The following LRRCC1 variants were observed in gnomAD, a reference collection of about 807,000 sequenced individuals.
The protein encoded by LRRCC1 is leucine rich repeat and coiled-coil centrosomal protein 1, also known as leucine-rich repeat and coiled-coil domain-containing protein 1.
In LRRCC1, 115 loss-of-function variants were observed where a neutral mutation model predicts 126.0. That is an observed-to-expected ratio of 0.91 (90% confidence interval 0.78 to 1.07). The LOEUF (loss-of-function observed/expected upper bound fraction) is 1.07. Ranked by LOEUF, LRRCC1 falls within the 50% of genes least tolerant of loss-of-function variation. The pLI is 0.00. For synonymous variants in LRRCC1, 400 were observed against 393.4 expected, an observed-to-expected ratio of 1.02 and a Z score of -0.20; for missense variants, 1,172 against 1,175.7, an observed-to-expected ratio of 1.00 and a Z score of 0.05.
chr8:85,127,616 A>G (rs936015161), intron 9 of LRRCC1, among the ~76,000 whole-genome samples: 23 of 152,266 alleles, frequency 1.5e-4, no homozygotes, highest in Admixed American at 1.1e-3. Flanking sequence ...GTTGATGTAC[A>G]CAGTTCACAG....
rs1808559319 is a variant in LRRCC1 at position 85,109,824 on chromosome 8, CACTT to C, written c.310+26_310+29del. On this transcript the variant is annotated intron_variant, in intron 2 of 18. Coordinates refer to ENST00000360375, the MANE Select transcript of LRRCC1 (RefSeq NM_033402.5). Reference sequence around the variant, plus strand: ...AGGTTTGTAAGTGATTTTCATTTAACACTTAGCGTAAGGAAAATGATTTAGGTCC... The same window carrying C: ...AGGTTTGTAAGTGATTTTCATTTAACAGCGTAAGGAAAATGATTTAGGTCC... The C allele has an allele frequency of 5.5e-6, 7 of 1,272,274 alleles. No homozygotes were observed. The South Asian group carries it at 9.8e-5, about 18-fold the overall frequency. The allele number at this position is 1,272,274 out of a possible 1,614,324, so 78.8% of individuals were successfully genotyped here. A position where few individuals can be genotyped will look rare whatever the true frequency, so the allele number is the denominator to read the frequency against.
At chr8:85,116,843 T>C (rs918821046) in intron 6 of LRRCC1, among the ~76,000 whole-genome samples, 2 of 152,110 alleles carry the variant, frequency 1.3e-5, no homozygotes, top group African/African-American at 4.8e-5. Context: ...CTTAGGTGAG[T>C]GAAAGTCAAT....
intron 18 of LRRCC1, among the ~76,000 whole-genome samples, chr8:85,144,474 A>ATTTTT (rs56095819): frequency 2.1e-5 from 1 of 46,906 alleles, no homozygotes; most frequent in Non-Finnish European, 5.3e-5. Flanking sequence ...ATATATATAT[A>ATTTTT]TTTTTTTTTT....
intron 14 of LRRCC1, among the ~76,000 whole-genome samples, chr8:85,136,219 C>A (rs1035969892): frequency 3.3e-5 from 5 of 151,982 alleles, no homozygotes; most frequent in Non-Finnish European, 5.9e-5. Context: ...AATTTGACTA[C>A]TATTCTGAAC....
chr8:85,130,204 C>A lies in LRRCC1; in HGVS notation c.1766+146C>A, dbSNP rs184702970. 5 of 509,500 alleles carry A rather than the reference C, an allele frequency of 9.8e-6. No homozygotes were observed. The South Asian group carries it at 1.6e-4, about 16-fold the overall frequency. 31.6% of individuals were successfully genotyped at this position (509,500 alleles called of 1,614,324 possible). Reference sequence around the variant, plus strand: ...AGGCTGGAGTGCAATGGCGCAATCTCGGCTCACTGCAAGCTCTGCCTCCCG... The same window carrying A: ...AGGCTGGAGTGCAATGGCGCAATCTAGGCTCACTGCAAGCTCTGCCTCCCG... On this transcript the variant is annotated intron_variant, in intron 11 of 18. Transcript: ENST00000360375.
rs1297779484 is a variant in LRRCC1, at chr8:85,136,124, G to A, written c.2329+161G>A. 2.6e-5 allele frequency among the ~76,000 whole-genome samples: 4 copies of A among 152,148 alleles called. No homozygotes were observed. In the East Asian group the frequency reaches 7.7e-4, roughly 29 times the overall value. Reference sequence around the variant, plus strand: ...AGGCATTTGCCAGCTACAGGGGAATGAAGACCTCTTAGGAAATGAGAAATA... The same window carrying A: ...AGGCATTTGCCAGCTACAGGGGAATAAAGACCTCTTAGGAAATGAGAAATA... On this transcript the variant is annotated intron_variant, in intron 14 of 18. Coordinates refer to ENST00000360375, the MANE Select transcript of LRRCC1 (RefSeq NM_033402.5).
chr8:85,125,294 A>G (rs575869784), intron 8 of LRRCC1, among the ~76,000 whole-genome samples: 1 of 152,196 alleles, frequency 6.6e-6, no homozygotes, highest in East Asian at 1.9e-4. Flanking sequence ...AAAGAAGCCT[A>G]TTTTTACACT....
rs56280153 is a variant in LRRCC1, at chr8:85,144,402, A to ATG, written c.2977-963_2977-962dup. 2.9e-3 allele frequency among the ~76,000 whole-genome samples: 397 copies of ATG among 138,086 alleles called. 2 individuals carry two copies. Among genetic ancestry groups the ATG allele is most frequent in the East Asian group, 5.5e-3 (25 of 4,514 alleles). The allele number at this position is 138,086 out of a possible 152,430, so 90.6% of individuals were successfully genotyped here. ...TTCTAAGCTCTAAAATAGAGTTAAA[A>ATG]TGTGTGTGTGTGTGTGTGTGTGTGT... On this transcript the variant is annotated intron_variant, in intron 18 of 18. Coordinates refer to ENST00000360375, the MANE Select transcript of LRRCC1 (RefSeq NM_033402.5).
In LRRCC1 at chr8:85,144,466, ATATATATATTT is replaced by A. The variant is rs751103463; in HGVS notation, c.2977-921_2977-911del. Among the ~76,000 whole-genome samples, 29 of 83,970 alleles carry A rather than the reference ATATATATATTT, an allele frequency of 3.5e-4. 1 individual carries two copies. Among genetic ancestry groups the A allele is most frequent in the Middle Eastern group, 5.3e-3 (1 of 190 alleles). 55.1% of individuals were successfully genotyped at this position (83,970 alleles called of 152,430 possible). On this transcript the variant is annotated intron_variant, in intron 18 of 18. Coordinates refer to ENST00000360375, the MANE Select transcript of LRRCC1 (RefSeq NM_033402.5). ...TGTGTATATATATATATATATATAT[ATATATATATTT>A]TTTTTTTTTTTGAGATGGAGTTTCA...
At chr8:85,108,417 A>C (rs1294874600) in intron 1 of LRRCC1, among the ~76,000 whole-genome samples, 1 of 152,236 alleles carries the variant, frequency 6.6e-6, no homozygotes, top group East Asian at 1.9e-4. Flanking sequence ...AATGAGACTC[A>C]GAATCTATTG....
Position 85,112,968 on chromosome 8 carries a change from G to A in LRRCC1, c.413G>A (p.Arg138Lys), listed in dbSNP as rs750156153. The change falls in exon 4 of 19, where the codon AGA (arginine) becomes AAA (lysine). Residue 138 changes from arginine to lysine, a missense_variant. By Grantham distance (26) the Arg-to-Lys change is conservative. Coordinates refer to ENST00000360375, the MANE Select transcript of LRRCC1 (RefSeq NM_033402.5). ...IPLHGIKHKL[R>K]YIDLHSNRID... Reference sequence around the variant, plus strand: ...CTTCATGGAATTAAGCATAAACTTAGATATATTGATCTACATAGTAATCGT... The same window carrying A: ...CTTCATGGAATTAAGCATAAACTTAAATATATTGATCTACATAGTAATCGT... 6.3e-7 allele frequency: 1 copy of A among 1,587,122 alleles called. No individual in the cohort carries two copies. The highest frequency in any genetic ancestry group is 2.3e-5 in the East Asian group (1 of 44,388).
intron 1 of LRRCC1, chr8:85,109,340 C>G: frequency 2.1e-6 from 1 of 481,152 alleles, no homozygotes. Flanking sequence ...GATGACTGCA[C>G]ACAGGAGTTA....
At chr8:85,130,094 TAAA>T (rs1563948338) in intron 11 of LRRCC1, 36 bp downstream of exon 11, 1 of 1,465,970 alleles carries the variant, frequency 6.8e-7, no homozygotes, top group Non-Finnish European at 9.0e-7. Context: ...TATTGGCATT[TAAA>T]AAAAGAAAAA....
Position 85,136,375 on chromosome 8 carries a change from A to G in LRRCC1, c.2329+412A>G, listed in dbSNP as rs776332520. Among the ~76,000 whole-genome samples, 14 of 152,122 alleles carry G rather than the reference A, an allele frequency of 9.2e-5. No individual in the cohort carries two copies. The South Asian group carries it at 1.9e-3, about 20-fold the overall frequency. ...CTGCAACCTCTGCCTTCTGGGTTCA[A>G]GTGATTCTCCTGCCTCAGCCTCCCG... On this transcript the variant is annotated intron_variant, in intron 14 of 18. Coordinates refer to ENST00000360375, the MANE Select transcript of LRRCC1 (RefSeq NM_033402.5).
intron 11 of LRRCC1, among the ~76,000 whole-genome samples, chr8:85,130,462 A>T (rs1173659372): frequency 6.6e-6 from 1 of 151,976 alleles, no homozygotes; most frequent in South Asian, 2.1e-4. Context: ...GTATTTAAAG[A>T]TAGTGATTGA....
Position 85,115,486 on chromosome 8 carries a change from C to T in LRRCC1, c.832C>T (p.Gln278Ter), listed in dbSNP as rs775744963. 6.2e-7 allele frequency: 1 copy of T among 1,613,564 alleles called. No homozygotes were observed. The highest frequency in any genetic ancestry group is 1.1e-5 in the South Asian group (1 of 91,064). ...GTTGACGTCTTTTATGTCTGTGTGT[C>T]AATCTTCTGAGCCAGAGAAAAATAA... ...AVLTSFMSVC[Q>*]SSEPEKNNHE... Residue 278 changes from glutamine to a stop codon, truncating the protein, a stop_gained, in exon 6 of 19, where the codon CAA (glutamine) becomes TAA (stop). Transcript: ENST00000360375. LOFTEE classifies it high-confidence loss of function.
At chr8:85,123,821 T>TA (rs1809756272) in intron 7 of LRRCC1, among the ~76,000 whole-genome samples, 1 of 152,194 alleles carries the variant, frequency 6.6e-6, no homozygotes, top group African/African-American at 2.4e-5. Flanking sequence ...AATTAATGTA[T>TA]AAACCTGAAG....
rs71273921 is a variant in LRRCC1 at position 85,125,670 on chromosome 8, C to CAAAAA, written c.1272+746_1272+750dup. 3.3e-4 allele frequency among the ~76,000 whole-genome samples: 17 copies of CAAAAA among 51,960 alleles called. 2 individuals are homozygous for CAAAAA. Among genetic ancestry groups the CAAAAA allele is most frequent in the South Asian group, 8.4e-4 (1 of 1,186 alleles). The allele number at this position is 51,960 out of a possible 152,430, so 34.1% of individuals were successfully genotyped here. On this transcript the variant is annotated intron_variant, in intron 8 of 18. Transcript: ENST00000360375. ...CCTGGGCGACAGAGCGAGACTCCGTCAAAAAAAAAAAAAAAAAAAGAGGTG... is the reference window on the plus strand; with the variant it reads ...CCTGGGCGACAGAGCGAGACTCCGTCAAAAAAAAAAAAAAAAAAAAAAAAGAGGTG...
chr8:85,134,670 T>C (rs1810726674), intron 12 of LRRCC1, among the ~76,000 whole-genome samples, 177 bp from the exon 13 acceptor site: 1 of 152,202 alleles, frequency 6.6e-6, no homozygotes, highest in Admixed American at 6.5e-5. Context: ...CTGGGTCACT[T>C]TAGGCAAATA....
Sources: allele counts gnomAD v4.1 joint callset (sites outside exome capture counted in the v4.1 genomes callset), GRCh38; gene constraint gnomAD v4.1.1; transcripts MANE v1.5; gene names NCBI Gene and HGNC (gene_info 2026-07-23, HGNC 2026-07-21).